The following GRM8 variants were observed in gnomAD, a reference collection of about 807,000 sequenced individuals.
GRM8 encodes glutamate metabotropic receptor 8, also known as metabotropic glutamate receptor 8.
In GRM8, 47 loss-of-function variants were observed where a neutral mutation model predicts 87.2. The observed-to-expected ratio is 0.54, with a 90% CI of 0.43 to 0.69. GRM8 has a LOEUF of 0.69. Among genes scored for constraint, GRM8 ranks in the 30% least tolerant of loss-of-function variants. GRM8 has a pLI of 0.00. For synonymous variants in GRM8, 396 were observed against 404.5 expected (o/e 0.98, Z 0.25); for missense variants, 1,019 against 1,139.2 (o/e 0.89, Z 1.52).
intron 9 of GRM8, among the ~76,000 whole-genome samples, chr7:126,499,254 A>G (rs1277804534): frequency 1.3e-5 from 2 of 151,802 alleles, no homozygotes; most frequent in Non-Finnish European, 2.9e-5. Context: ...ACAAACCACA[A>G]TGAGATGTCA....
At chr7:126,995,743 T>G (rs1813119287) in intron 3 of GRM8, among the ~76,000 whole-genome samples, 1 of 152,052 alleles carries the variant, frequency 6.6e-6, no homozygotes, top group South Asian at 2.1e-4. Flanking sequence ...AGGGCAAATC[T>G]AAGAGTTCTT....
intron 3 of GRM8, among the ~76,000 whole-genome samples, chr7:127,066,669 T>C (rs975307638): frequency 2.6e-5 from 4 of 152,190 alleles, no homozygotes; most frequent in African/African-American, 9.6e-5. Flanking sequence ...TTCAATATCC[T>C]GCTTCTATTT....
chr7:126,913,214 T>A (rs1361980), intron 3 of GRM8, among the ~76,000 whole-genome samples: 118,026 of 152,012 alleles, frequency 0.78, 46,283 homozygotes, highest in East Asian at 0.96. Context: ...TGTGCATTTT[T>A]AAAAAACAAC....
chr7:127,124,607 A>C (rs1827261012), intron 2 of GRM8, among the ~76,000 whole-genome samples: 1 of 152,160 alleles, frequency 6.6e-6, no homozygotes. Flanking sequence ...TACAATGCCC[A>C]AATTTATCTC....
At chr7:126,508,509 T>C (rs1198521804) in intron 9 of GRM8, among the ~76,000 whole-genome samples, 2 of 152,194 alleles carry the variant, frequency 1.3e-5, no homozygotes, top group African/African-American at 4.8e-5. Flanking sequence ...ACTTTGGCAA[T>C]TAAATCTCAA....
intron 3 of GRM8, among the ~76,000 whole-genome samples, chr7:127,074,810 C>T (rs990366860): frequency 6.6e-6 from 1 of 152,150 alleles, no homozygotes; most frequent in Non-Finnish European, 1.5e-5. Context: ...TAAGTTAGTG[C>T]CTTCCTCCTG....
chr7:126,918,052 C>T (rs1804111111), intron 3 of GRM8, among the ~76,000 whole-genome samples: 2 of 152,088 alleles, frequency 1.3e-5, no homozygotes, highest in Admixed American at 1.3e-4. Flanking sequence ...CAGTAAACAA[C>T]ACAATATGTA....
At chr7:126,834,436 A>G (rs950255199) in intron 6 of GRM8, among the ~76,000 whole-genome samples, 5 of 152,234 alleles carry the variant, frequency 3.3e-5, no homozygotes, top group African/African-American at 9.6e-5. Context: ...AATAGTAATA[A>G]TAACAATAAC....
At chr7:126,833,329 C>T (rs1795563490) in intron 6 of GRM8, among the ~76,000 whole-genome samples, 1 of 152,156 alleles carries the variant, frequency 6.6e-6, no homozygotes, top group Non-Finnish European at 1.5e-5. Flanking sequence ...TCTTTGCACC[C>T]CAGGTCTTTA....
At chr7:126,988,028 T>A (rs1209616652) in intron 3 of GRM8, among the ~76,000 whole-genome samples, 1 of 152,020 alleles carries the variant, frequency 6.6e-6, no homozygotes, top group Non-Finnish European at 1.5e-5. Context: ...GCACAGAGAT[T>A]TAAAATTTGG....
At chr7:127,149,395 A>T (rs1828722769) in intron 2 of GRM8, among the ~76,000 whole-genome samples, 1 of 152,100 alleles carries the variant, frequency 6.6e-6, no homozygotes, top group Non-Finnish European at 1.5e-5. Flanking sequence ...AATGGTTATT[A>T]TCAAAAAGTC....
intron 7 of GRM8, among the ~76,000 whole-genome samples, chr7:126,728,035 T>G (rs115688182): frequency 6.6e-6 from 1 of 152,162 alleles, no homozygotes; most frequent in Non-Finnish European, 1.5e-5. Flanking sequence ...AAGTGAGTCA[T>G]GCATGTGAAC....
intron 7 of GRM8, among the ~76,000 whole-genome samples, chr7:126,697,632 AC>A (rs1213620639): frequency 6.6e-6 from 1 of 152,122 alleles, no homozygotes; most frequent in Non-Finnish European, 1.5e-5. Context: ...AATGTTTATA[AC>A]ATTTACTCAC....
At chr7:126,467,577 C>T (rs1356082032) in intron 9 of GRM8, among the ~76,000 whole-genome samples, 1 of 151,700 alleles carries the variant, frequency 6.6e-6, no homozygotes, top group Non-Finnish European at 1.5e-5. Flanking sequence ...ATTTTATTTA[C>T]TCTTTTACAT....
At chr7:127,014,939 G>A (rs987188391) in intron 3 of GRM8, among the ~76,000 whole-genome samples, 1 of 132,058 alleles carries the variant, frequency 7.6e-6, no homozygotes, top group South Asian at 2.6e-4. Flanking sequence ...GAGAGAGAGA[G>A]AGAGAAAGAG....
intron 7 of GRM8, among the ~76,000 whole-genome samples, chr7:126,713,277 T>A (rs899109567): frequency 2.0e-5 from 3 of 152,150 alleles, no homozygotes; most frequent in African/African-American, 7.2e-5. Context: ...TAAAAAAGAA[T>A]GAGTTCATAT....
chr7:127,052,281 AATAT>A (rs1282532219), intron 3 of GRM8, among the ~76,000 whole-genome samples: 10 of 152,052 alleles, frequency 6.6e-5, no homozygotes, highest in Non-Finnish European at 7.4e-5. Context: ...CACCCTCTTC[AATAT>A]ATATTGGTGC....
At chr7:126,483,381 T>C (rs1806946473) in intron 9 of GRM8, among the ~76,000 whole-genome samples, 1 of 151,610 alleles carries the variant, frequency 6.6e-6, no homozygotes, top group Non-Finnish European at 1.5e-5. Flanking sequence ...CTACAATGTT[T>C]ATCACAGGTA....
intron 7 of GRM8, among the ~76,000 whole-genome samples, chr7:126,731,524 C>T (rs1415001946): frequency 1.3e-5 from 2 of 152,044 alleles, no homozygotes; most frequent in East Asian, 3.9e-4. Flanking sequence ...AAGTACCTAC[C>T]AGAAACTGAC....
Sources: allele counts gnomAD v4.1 joint callset (sites outside exome capture counted in the v4.1 genomes callset), GRCh38; gene constraint gnomAD v4.1.1; transcripts MANE v1.5; gene names NCBI Gene and HGNC (gene_info 2026-07-23, HGNC 2026-07-21).